DTNB: variants seen among roughly 807,000 people sequenced by gnomAD.
DTNB encodes dystrobrevin beta.
A neutral mutation model predicts 90.7 loss-of-function variants in DTNB; 63 were observed. The ratio of observed to expected loss-of-function variants is 0.69; its 90% confidence interval spans 0.57 to 0.86. The LOEUF (loss-of-function observed/expected upper bound fraction) is 0.86, where lower values mean the gene tolerates loss of function less well. DTNB is among the 40% of genes least tolerant of loss of function. The pLI, the probability that DTNB is intolerant of heterozygous loss-of-function variation, is 0.00. For missense variants in DTNB, 744 were observed against 807.1 expected (o/e 0.92, Z 0.95); for synonymous variants, 277 against 286.7 (o/e 0.97, Z 0.34).
rs1573641401 is a variant in DTNB at position 25,627,722 on chromosome 2, A to G, written c.362+449T>C. 2.0e-5 allele frequency among the ~76,000 whole-genome samples: 3 copies of G among 150,758 alleles called. No individual in the cohort carries two copies. In the South Asian group the frequency reaches 6.2e-4, roughly 31 times the overall value. On this transcript the variant is annotated intron_variant, in intron 4 of 20. Transcript: ENST00000406818. The stretch of plus-strand genomic sequence containing the variant: ...TGAACCAGTTTCTAGAGGGGCTTAC[A>G]CCGAATAATTTTCCTTTTTTTTTTT...
chr2:25,416,865 T>C (rs1383824059), intron 16 of DTNB, among the ~76,000 whole-genome samples: 1 of 139,306 alleles, frequency 7.2e-6, no homozygotes, highest in Admixed American at 7.1e-5. Flanking sequence ...TGGGTTAGGG[T>C]TATATCATAG....
chr2:25,381,636 A>G (rs541712309), intron 19 of DTNB, among the ~76,000 whole-genome samples: 1 of 152,264 alleles, frequency 6.6e-6, no homozygotes, highest in African/African-American at 2.4e-5. Context: ...TCAGCCTCCT[A>G]AAGTGCTGGG....
At chr2:25,605,221 A>G (rs150599413) in intron 5 of DTNB, among the ~76,000 whole-genome samples, 1 of 152,386 alleles carries the variant, frequency 6.6e-6, no homozygotes, top group East Asian at 1.9e-4. Context: ...TAGCAAGGAA[A>G]AGATAAACCA....
chr2:25,456,023 A>T (rs1558601817), intron 10 of DTNB, among the ~76,000 whole-genome samples: 1 of 152,214 alleles, frequency 6.6e-6, no homozygotes, highest in Non-Finnish European at 1.5e-5. Context: ...TAAAACTGGT[A>T]CCCATCCCAA....
intron 9 of DTNB, among the ~76,000 whole-genome samples, chr2:25,509,433 T>C (rs943431772): frequency 3.3e-5 from 5 of 152,238 alleles, no homozygotes; most frequent in Non-Finnish European, 7.3e-5. Flanking sequence ...ACATACCCTT[T>C]ACAAATTCCT....
At chr2:25,548,017 T>G (rs2082799749) in intron 8 of DTNB, among the ~76,000 whole-genome samples, 1 of 152,226 alleles carries the variant, frequency 6.6e-6, no homozygotes, top group Non-Finnish European at 1.5e-5. Flanking sequence ...CAGTTTTCAT[T>G]TCTGAAATTA....
intron 15 of DTNB, among the ~76,000 whole-genome samples, chr2:25,420,231 G>A (rs1215612439): frequency 7.9e-6 from 1 of 127,160 alleles, no homozygotes; most frequent in Non-Finnish European, 1.6e-5. Context: ...TGTTGGAACT[G>A]TATCCCCGTC....
intron 4 of DTNB, among the ~76,000 whole-genome samples, chr2:25,627,925 A>G (rs2074666793): frequency 6.6e-6 from 1 of 152,022 alleles, no homozygotes; most frequent in Non-Finnish European, 1.5e-5. Context: ...TTTAGTAGAG[A>G]CGGGGTTTCA....
At chr2:25,551,469 G>A (rs778566120) in intron 8 of DTNB, among the ~76,000 whole-genome samples, 7 of 152,240 alleles carry the variant, frequency 4.6e-5, no homozygotes, top group African/African-American at 7.2e-5. Flanking sequence ...GTGGCCTCCC[G>A]GCTGGGGATC....
intron 8 of DTNB, among the ~76,000 whole-genome samples, chr2:25,553,741 C>CAAAA (rs1184090329): frequency 2.5e-3 from 97 of 39,018 alleles, no homozygotes; most frequent in African/African-American, 8.5e-3. Flanking sequence ...AACTCCTTCT[C>CAAAA]AAAAAAAAAA....
intron 15 of DTNB, among the ~76,000 whole-genome samples, chr2:25,426,004 G>T (rs2051456712): frequency 2.0e-5 from 3 of 152,126 alleles, no homozygotes; most frequent in African/African-American, 7.2e-5. Flanking sequence ...CTCAAGCAAG[G>T]TTACAGTGAG....
chr2:25,580,109 G>T (rs908875952), intron 7 of DTNB, among the ~76,000 whole-genome samples: 6 of 149,002 alleles, frequency 4.0e-5, no homozygotes, highest in Middle Eastern at 3.2e-3. Flanking sequence ...AGCCTCCCAA[G>T]TAGCTGGGAT....
intron 9 of DTNB, among the ~76,000 whole-genome samples, chr2:25,513,649 G>A (rs1575263932): frequency 1.3e-5 from 2 of 150,364 alleles, no homozygotes; most frequent in African/African-American, 4.9e-5. Context: ...CTTGAACCCA[G>A]GAGGTGGAGG....
At chr2:25,499,540 A>G (rs2150549583) in intron 9 of DTNB, among the ~76,000 whole-genome samples, 1 of 152,332 alleles carries the variant, frequency 6.6e-6, no homozygotes, top group Non-Finnish European at 1.5e-5. Context: ...ATAACATTTC[A>G]TAGGAATAAA....
At chr2:25,626,635 C>T (rs868086781) in intron 4 of DTNB, among the ~76,000 whole-genome samples, 3 of 152,080 alleles carry the variant, frequency 2.0e-5, no homozygotes, top group South Asian at 2.1e-4. Flanking sequence ...TTCTATTAAA[C>T]GGATACAATG....
chr2:25,480,068 A>G (rs1275655041), intron 10 of DTNB, among the ~76,000 whole-genome samples: 1 of 152,194 alleles, frequency 6.6e-6, no homozygotes, highest in Non-Finnish European at 1.5e-5. Context: ...AATTTATACT[A>G]TTTGATTACT....
chr2:25,529,091 C>T (rs1018488820), intron 9 of DTNB, among the ~76,000 whole-genome samples: 1 of 152,054 alleles, frequency 6.6e-6, no homozygotes, highest in Non-Finnish European at 1.5e-5. Flanking sequence ...CAAGACACTC[C>T]AGAAAAAGTA....
intron 8 of DTNB, among the ~76,000 whole-genome samples, chr2:25,565,169 C>T (rs2058828561): frequency 6.6e-6 from 1 of 152,136 alleles, no homozygotes; most frequent in Admixed American, 6.6e-5. Flanking sequence ...GAGTGGATAT[C>T]CTTGTCTTTT....
chr2:25,531,700 C>T, intron 8 of DTNB, 103 bp from the exon 9 acceptor site: 1 of 1,433,708 alleles, frequency 7.0e-7, no homozygotes, highest in Non-Finnish European at 9.3e-7. Context: ...AACATCTTTT[C>T]AAATACAAAT....
Sources: gnomAD v4.1 joint callset for allele counts (sites outside exome capture counted in the v4.1 genomes callset) on GRCh38, gnomAD v4.1.1 for gene constraint, MANE v1.5 for transcripts, NCBI Gene and HGNC (gene_info 2026-07-23, HGNC 2026-07-21) for gene names.